Variants in PLXNC1 observed in about 807,000 individuals in gnomAD.
The protein encoded by PLXNC1 is plexin C1.
Under a neutral mutation model 178.2 loss-of-function variants are expected in PLXNC1, and 75 were observed. The ratio of observed to expected loss-of-function variants is 0.42; its 90% CI spans 0.35 to 0.51. The LOEUF (loss-of-function observed/expected upper bound fraction) is 0.51, where lower values mean the gene tolerates loss of function less well. PLXNC1 is among the 20% of genes least tolerant of loss of function. The pLI is 0.02. For missense variants in PLXNC1, 1,503 were observed against 1,984.4 expected, an observed-to-expected ratio of 0.76 and a Z score of 4.61; for synonymous variants, 790 against 779.9, an observed-to-expected ratio of 1.01 and a Z score of -0.22.
At chr12:94,224,923 G>A (rs11107460) in intron 7 of PLXNC1, among the ~76,000 whole-genome samples, 3 of 151,986 alleles carry the variant, frequency 2.0e-5, no homozygotes, top group Non-Finnish European at 4.4e-5. Context: ...AAGGAGCGCT[G>A]CTAGGTTCTC....
intron 21 of PLXNC1, among the ~76,000 whole-genome samples, chr12:94,265,600 T>C (rs137869159): frequency 3.3e-5 from 5 of 152,334 alleles, no homozygotes; most frequent in East Asian, 1.9e-4. Context: ...TGTGAAGATA[T>C]ATTTCAATCA....
intron 11 of PLXNC1, among the ~76,000 whole-genome samples, chr12:94,241,621 T>G (rs2627745): frequency 0.4 from 60,928 of 152,038 alleles, 13,410 homozygotes; most frequent in African/African-American, 0.59. Context: ...ATATTTGTCT[T>G]TCTGTGCCTG....
At chr12:94,251,612 G>A (rs915334778) in intron 15 of PLXNC1, 84 bp downstream of exon 15, 6 of 854,414 alleles carry the variant, frequency 7.0e-6, no homozygotes, top group South Asian at 1.4e-5. Flanking sequence ...TTCAGGGGCT[G>A]TTTGCTTCAA....
At position 94,149,467 on chromosome 12, in the gene PLXNC1, G is replaced by A. The variant is rs201509734; in HGVS notation, c.496G>A (p.Val166Met). The A allele has an allele frequency of 1.3e-3, 1,947 of 1,494,764 alleles. 2 individuals are homozygous for A. Among genetic ancestry groups the A allele is most frequent in the Non-Finnish European group, 1.7e-3 (1,866 of 1,129,472 alleles). 92.6% of individuals were successfully genotyped at this position (1,494,764 alleles called of 1,614,324 possible). Residue 166 changes from valine (V) to methionine (M), a missense_variant, in exon 1 of 31, where the codon GTG becomes ATG. By Grantham distance (21) the Val-to-Met change is conservative (BLOSUM62 1). Around this residue, in one of 4 missense-constraint regions of PLXNC1, gnomAD observed 73 missense variants for 125.4 expected, o/e 0.58. Coordinates refer to ENST00000258526, the MANE Select transcript of PLXNC1 (RefSeq NM_005761.3). ...CHPQGSTAGVVYRAGRNNRWY... is the reference protein window; with the variant it reads ...CHPQGSTAGVMYRAGRNNRWY... ...CCCGCAGGGCTCGACGGCCGGCGTG[G>A]TGTACCGCGCGGGCCGGAACAACCG...
At chr12:94,174,802 A>G (rs1961985507) in intron 2 of PLXNC1, among the ~76,000 whole-genome samples, 1 of 152,178 alleles carries the variant, frequency 6.6e-6, no homozygotes, top group African/African-American at 2.4e-5. Flanking sequence ...AAAACTTGGA[A>G]GTGGGTTCAT....
chr12:94,236,408 A>G (rs543472215), intron 9 of PLXNC1, among the ~76,000 whole-genome samples: 2 of 152,266 alleles, frequency 1.3e-5, no homozygotes, highest in Non-Finnish European at 2.9e-5. Context: ...TGCCACCCCA[A>G]TGAGTGTTCC....
At chr12:94,276,319 C>T (rs1965952281) in intron 21 of PLXNC1, among the ~76,000 whole-genome samples, 2 of 152,144 alleles carry the variant, frequency 1.3e-5, no homozygotes, top group Admixed American at 6.5e-5. Flanking sequence ...AAGGCAAGAC[C>T]CCAACAAGAT....
chr12:94,307,295 T>C lies in PLXNC1; in HGVS notation c.*2010T>C, dbSNP rs935718338. The C allele has an allele frequency of 2.0e-5, 3 of 152,216 alleles. No individual in the cohort carries two copies. Among genetic ancestry groups the C allele is most frequent in the African/African-American group, 7.2e-5 (3 of 41,452 alleles). The allele number at this position is 152,216 out of a possible 1,614,324, so 9.4% of individuals were successfully genotyped here. A position where few individuals can be genotyped will look rare whatever the true frequency, so the allele number is the denominator to read the frequency against. On this transcript the variant is annotated 3_prime_UTR_variant, in exon 31 of 31. Transcript: ENST00000258526. ...GGTGGTATGAAGATTCACTAATGTATGTAGCGTGTTTGTCAATCCTCCAGT... is the reference window on the plus strand; with the variant it reads ...GGTGGTATGAAGATTCACTAATGTACGTAGCGTGTTTGTCAATCCTCCAGT...
At chr12:94,300,850 A>G (rs1377627923) in intron 27 of PLXNC1, 60 bp from the exon 28 acceptor site, 1 of 1,523,366 alleles carries the variant, frequency 6.6e-7, no homozygotes, top group Non-Finnish European at 9.0e-7. Context: ...ACTGTGATAA[A>G]CAGACCATTG....
chr12:94,295,691 A>G (rs982443547), intron 24 of PLXNC1, among the ~76,000 whole-genome samples: 1 of 152,124 alleles, frequency 6.6e-6, no homozygotes, highest in African/African-American at 2.4e-5. Flanking sequence ...CTGACCCTAC[A>G]GCTAGGGAGC....
At chr12:94,273,725 C>T (rs556525932) in intron 21 of PLXNC1, among the ~76,000 whole-genome samples, 1 of 152,274 alleles carries the variant, frequency 6.6e-6, no homozygotes, top group East Asian at 1.9e-4. Context: ...GCCCTGCACA[C>T]AATAGGTGCA....
At chr12:94,214,669 T>G (rs988003613) in intron 5 of PLXNC1, among the ~76,000 whole-genome samples, 15 of 152,340 alleles carry the variant, frequency 9.8e-5, no homozygotes, top group African/African-American at 2.6e-4. Flanking sequence ...TACTACATGT[T>G]AAATAAAACA....
intron 2 of PLXNC1, among the ~76,000 whole-genome samples, chr12:94,179,804 G>C (rs1246019362): frequency 6.6e-6 from 1 of 150,840 alleles, no homozygotes; most frequent in Non-Finnish European, 1.5e-5. Context: ...TCTAGTAACA[G>C]ATTATTATCT....
chr12:94,255,407 G>T (rs1029455540), intron 17 of PLXNC1, 111 bp downstream of exon 17: 1 of 751,668 alleles, frequency 1.3e-6, no homozygotes, highest in African/African-American at 1.7e-5. Flanking sequence ...AATGTGCTTG[G>T]TACAAAAATA....
chr12:94,150,586 G>T (rs1253389638), intron 1 of PLXNC1, among the ~76,000 whole-genome samples: 1 of 152,252 alleles, frequency 6.6e-6, no homozygotes, highest in Non-Finnish European at 1.5e-5. Context: ...AGAGTTGCTA[G>T]CCCGCTCAGC....
chr12:94,208,107 G>T (rs1294487003), intron 4 of PLXNC1, among the ~76,000 whole-genome samples: 1 of 152,154 alleles, frequency 6.6e-6, no homozygotes, highest in East Asian at 1.9e-4. Context: ...ATTGACAGGC[G>T]GTTTAATTTG....
chr12:94,283,004 G>C (rs1188268847), intron 23 of PLXNC1, among the ~76,000 whole-genome samples: 3 of 152,170 alleles, frequency 2.0e-5, no homozygotes, highest in African/African-American at 7.2e-5. Context: ...GAAGGTTCCT[G>C]AACACACTGG....
intron 20 of PLXNC1, among the ~76,000 whole-genome samples, chr12:94,263,214 G>A (rs1486786325): frequency 9.1e-6 from 1 of 110,100 alleles, no homozygotes; most frequent in South Asian, 2.9e-4. Flanking sequence ...CCCCGCCCCC[G>A]GCCCCGGGAA....
In PLXNC1 at chr12:94,149,334, G is replaced by A; in HGVS notation, c.363G>A (p.Gly121=). 2.1e-6 allele frequency: 3 copies of A among 1,439,870 alleles called. No homozygotes were observed. The highest frequency in any genetic ancestry group is 2.9e-5 in the South Asian group (2 of 69,396). The allele number at this position is 1,439,870 out of a possible 1,614,324, so 89.2% of individuals were successfully genotyped here. A position where few individuals can be genotyped will look rare whatever the true frequency, so the allele number is the denominator to read the frequency against. ...PYREGAAGLG[G]LLLTGWTFDR... ...GCGAGGGGGCGGCCGGCCTCGGGGG[G>A]CTGCTGCTCACCGGCTGGACCTTCG... Residue 121 remains glycine (G), a synonymous_variant, in exon 1 of 31, where the codon GGG becomes GGA. Coordinates refer to ENST00000258526, the MANE Select transcript of PLXNC1 (RefSeq NM_005761.3).
Sources: allele counts gnomAD v4.1 joint callset (sites outside exome capture counted in the v4.1 genomes callset), GRCh38; gene constraint gnomAD v4.1.1; regional missense constraint gnomAD v4.1.1; transcripts MANE v1.5; gene names NCBI Gene and HGNC (gene_info 2026-07-23, HGNC 2026-07-21).